The following PKNOX2 variants were observed in gnomAD, a reference collection of about 807,000 sequenced individuals.
The protein encoded by PKNOX2 is PBX/knotted 1 homeobox 2.
A neutral mutation model predicts 53.1 loss-of-function variants in PKNOX2; 14 were observed. The ratio of observed to expected loss-of-function variants is 0.26; its 90% CI spans 0.17 to 0.41. The LOEUF (loss-of-function observed/expected upper bound fraction) is 0.41. PKNOX2 is among the 10% of genes least tolerant of loss of function. The pLI is 1.00. For synonymous variants in PKNOX2, 257 were observed against 242.8 expected, an observed-to-expected ratio of 1.06 and a Z score of -0.54; for missense variants, 496 against 602.8, an observed-to-expected ratio of 0.82 and a Z score of 1.85.
chr11:125,208,700 A>T (rs1457307547), intron 1 of PKNOX2, among the ~76,000 whole-genome samples: 1 of 152,062 alleles, frequency 6.6e-6, no homozygotes, highest in African/African-American at 2.4e-5. Flanking sequence ...GGTAGAAGAG[A>T]GTTTGAATGG....
At chr11:125,320,591 C>T (rs573548752) in intron 2 of PKNOX2, among the ~76,000 whole-genome samples, 2 of 152,284 alleles carry the variant, frequency 1.3e-5, no homozygotes, top group South Asian at 2.1e-4. Context: ...GCTGCAAGCA[C>T]CTCCTCCCCA....
At chr11:125,315,589 G>A (rs1949129481) in intron 2 of PKNOX2, among the ~76,000 whole-genome samples, 1 of 152,200 alleles carries the variant, frequency 6.6e-6, no homozygotes, top group Non-Finnish European at 1.5e-5. Flanking sequence ...GGTGCAGCTG[G>A]CAGACTGCCT....
chr11:125,394,131 G>A (rs1323334734), intron 6 of PKNOX2, among the ~76,000 whole-genome samples: 1 of 152,134 alleles, frequency 6.6e-6, no homozygotes, highest in Admixed American at 6.5e-5. Context: ...AGAAACGTTT[G>A]GGTATTATTA....
chr11:125,194,220 G>T, intron 1 of PKNOX2, among the ~76,000 whole-genome samples: 1 of 152,172 alleles, frequency 6.6e-6, no homozygotes, highest in Non-Finnish European at 1.5e-5. Flanking sequence ...TTTCCAGTAG[G>T]GCCCTCTGGG....
chr11:125,217,343 T>C (rs1220640180), intron 1 of PKNOX2, among the ~76,000 whole-genome samples: 2 of 152,252 alleles, frequency 1.3e-5, no homozygotes, highest in East Asian at 1.9e-4. Flanking sequence ...TCCATGTAGT[T>C]TGCAGGCAAC....
chr11:125,385,479 G>A, intron 5 of PKNOX2, 72 bp from the exon 6 acceptor site: 1 of 1,485,106 alleles, frequency 6.7e-7, no homozygotes, highest in East Asian at 2.4e-5. Context: ...AGGGGAGCCT[G>A]GTGGCTTCTG....
chr11:125,214,233 G>A (rs78412049), intron 1 of PKNOX2, among the ~76,000 whole-genome samples: 12,857 of 151,982 alleles, frequency 0.085, 1,235 homozygotes, highest in East Asian at 0.26. Flanking sequence ...TCATCTGAGT[G>A]GGCTCCATGA....
rs74667335 is a variant in PKNOX2 at position 125,289,647 on chromosome 11, T to C, written c.-129-42172T>C. Reference sequence around the variant, plus strand: ...CCTGGAGTTGCAGCTGGAGTCTCCATGGAGGAAGAGATCACTCCTAAAAAC... The same window carrying C: ...CCTGGAGTTGCAGCTGGAGTCTCCACGGAGGAAGAGATCACTCCTAAAAAC... On this transcript the variant is annotated intron_variant, in intron 2 of 12. Transcript: ENST00000298282. 3.2e-3 allele frequency among the ~76,000 whole-genome samples: 484 copies of C among 152,236 alleles called. 5 individuals are homozygous for C. Among genetic ancestry groups the C allele is most frequent in the African/African-American group, 9.0e-3 (375 of 41,540 alleles).
At chr11:125,410,425 G>A (rs1028333218) in intron 8 of PKNOX2, 100 bp downstream of exon 8, 2 of 1,490,514 alleles carry the variant, frequency 1.3e-6, no homozygotes, top group Admixed American at 2.0e-5. Flanking sequence ...CTCCACCGAG[G>A]GAGGGGCTCC....
At chr11:125,402,523 C>A (rs559323585) in intron 7 of PKNOX2, among the ~76,000 whole-genome samples, 3 of 152,138 alleles carry the variant, frequency 2.0e-5, no homozygotes, top group Non-Finnish European at 2.9e-5. Context: ...AATTGCCAAG[C>A]GTTTGGGGGG....
chr11:125,388,355 G>A (rs149777083), intron 6 of PKNOX2, among the ~76,000 whole-genome samples: 46 of 152,148 alleles, frequency 3.0e-4, no homozygotes, highest in Non-Finnish European at 5.4e-4. Flanking sequence ...TTACAACCCC[G>A]CACACGTAGC....
intron 1 of PKNOX2, among the ~76,000 whole-genome samples, chr11:125,212,449 CT>C (rs796083611): frequency 0.4 from 41,540 of 104,340 alleles, 7,032 homozygotes; most frequent in East Asian, 0.52. Context: ...GGAGGGGATT[CT>C]TTTTTTTTTT....
At chr11:125,392,110 A>T (rs922694200) in intron 6 of PKNOX2, among the ~76,000 whole-genome samples, 1 of 152,342 alleles carries the variant, frequency 6.6e-6, no homozygotes, top group East Asian at 1.9e-4. Flanking sequence ...AGCCAATGGG[A>T]TATCAGACAT....
chr11:125,430,960 T>C (rs879295072), intron 12 of PKNOX2, among the ~76,000 whole-genome samples: 2 of 152,190 alleles, frequency 1.3e-5, no homozygotes, highest in Non-Finnish European at 2.9e-5. Flanking sequence ...CTGGGAGTGC[T>C]GCTTCCTGAG....
chr11:125,377,101 C>T (rs1952888741), intron 5 of PKNOX2, among the ~76,000 whole-genome samples: 2 of 152,130 alleles, frequency 1.3e-5, no homozygotes, highest in African/African-American at 4.8e-5. Flanking sequence ...GCCCACGCAC[C>T]GTTCCAGGGA....
At chr11:125,285,974 C>T (rs963630604) in intron 2 of PKNOX2, among the ~76,000 whole-genome samples, 1 of 152,086 alleles carries the variant, frequency 6.6e-6, no homozygotes, top group Non-Finnish European at 1.5e-5. Context: ...TGAAACTGGC[C>T]ATGGTGGGAA....
intron 5 of PKNOX2, among the ~76,000 whole-genome samples, chr11:125,377,734 A>G (rs1393786570): frequency 6.6e-6 from 1 of 152,248 alleles, no homozygotes; most frequent in East Asian, 1.9e-4. Context: ...TAATACTAAC[A>G]ATAGCTGATG....
chr11:125,179,637 C>A (rs1956042494), intron 1 of PKNOX2, among the ~76,000 whole-genome samples: 1 of 152,056 alleles, frequency 6.6e-6, no homozygotes. Flanking sequence ...GAGAGAACCC[C>A]TGGAGTCTGA....
At chr11:125,184,018 A>G (rs558118244) in intron 1 of PKNOX2, among the ~76,000 whole-genome samples, 1 of 152,342 alleles carries the variant, frequency 6.6e-6, no homozygotes, top group Admixed American at 6.5e-5. Context: ...TCTAGCCACC[A>G]TGGAGGGAGA....
Sources: gnomAD v4.1 joint callset for allele counts (sites outside exome capture counted in the v4.1 genomes callset) on GRCh38, gnomAD v4.1.1 for gene constraint, MANE v1.5 for transcripts, NCBI Gene and HGNC (gene_info 2026-07-23, HGNC 2026-07-21) for gene names.